CERS1: variants seen among roughly 807,000 people sequenced by gnomAD.
CERS1 encodes ceramide synthase 1, also known as Embryonic growth/differentiation factor 1.
CERS1 carries 16 observed loss-of-function variants against 35.7 expected under a neutral mutation model. The ratio of observed to expected loss-of-function variants is 0.45; its 90% CI spans 0.30 to 0.68. The LOEUF (loss-of-function observed/expected upper bound fraction) is 0.68. CERS1 is among the 30% of genes least tolerant of loss of function. The probability of loss-of-function intolerance (pLI) is 0.08; values close to 1 mark genes in which losing one functional copy is unlikely to be tolerated. For synonymous variants in CERS1, 243 were observed against 201.6 expected (o/e 1.21, Z -1.74); for missense variants, 454 against 453.9 (o/e 1.00, Z 0.00).
intron 2 of CERS1, among the ~76,000 whole-genome samples, chr19:18,888,521 A>T (rs1016793227): frequency 3.5e-5 from 2 of 56,458 alleles, no homozygotes; most frequent in East Asian, 7.6e-4. Flanking sequence ...CTGTCTCTTA[A>T]AAAAAAAAAA....
At chr19:18,877,055 G>T (rs113595040) in intron 6 of CERS1, among the ~76,000 whole-genome samples, 1 of 152,114 alleles carries the variant, frequency 6.6e-6, no homozygotes, top group African/African-American at 2.4e-5. Context: ...GACTGCCTTC[G>T]TCCCATCCTG....
rs958859804 is a variant in CERS1 at position 18,878,680 on chromosome 19, C to T, written c.1010+250G>A. ...TAGGCCTGGCCCTCAGTGTCCCTAC[C>T]GCTGAGACCCTGCCTGTCGCCCTGC... is the stretch of plus-strand genomic sequence containing the variant. On this transcript the variant is annotated intron_variant, in intron 6 of 7. Coordinates refer to ENST00000623882, the MANE Select transcript of CERS1 (RefSeq NM_021267.5). The surrounding 1 kb of genome is among the most constrained non-coding windows in gnomAD (Gnocchi z 4.6). 4.8e-5 allele frequency: 64 copies of T among 1,331,258 alleles called. No individual in the cohort carries two copies. The highest frequency in any genetic ancestry group is 5.5e-5 in the Non-Finnish European group (57 of 1,034,422). The allele number at this position is 1,331,258 out of a possible 1,614,324, so 82.5% of individuals were successfully genotyped here.
chr19:18,881,132 T>C (rs927456093), intron 3 of CERS1, among the ~76,000 whole-genome samples: 2 of 151,956 alleles, frequency 1.3e-5, no homozygotes, highest in African/African-American at 2.4e-5. Flanking sequence ...ACCACCACCA[T>C]GATGAGACTT....
Position 18,878,698 on chromosome 19 carries a change from C to T in CERS1, c.1010+232G>A, listed in dbSNP as rs1034624873. Reference sequence around the variant, plus strand: ...TCCCTACCGCTGAGACCCTGCCTGTCGCCCTGCCTGCCCCTCCCCAGCCTC... The same window carrying T: ...TCCCTACCGCTGAGACCCTGCCTGTTGCCCTGCCTGCCCCTCCCCAGCCTC... On this transcript the variant is annotated intron_variant, in intron 6 of 7. Coordinates refer to ENST00000623882, the MANE Select transcript of CERS1 (RefSeq NM_021267.5). This position sits in a 1 kb window ranked among gnomAD's most constrained non-coding sequence, Gnocchi z 4.6. 76 of 1,365,450 alleles carry T rather than the reference C, an allele frequency of 5.6e-5. No individual in the cohort carries two copies. Among genetic ancestry groups the T allele is most frequent in the Admixed American group, 2.2e-4 (7 of 32,492 alleles). The allele number at this position is 1,365,450 out of a possible 1,614,324, so 84.6% of individuals were successfully genotyped here.
At position 18,869,051 on chromosome 19, in the gene CERS1, C is replaced by T. The variant is rs948898162; in HGVS notation, c.*934G>A. 2 of 1,064,544 alleles carry T rather than the reference C, an allele frequency of 1.9e-6. No individual in the cohort carries two copies. The highest frequency in any genetic ancestry group is 2.3e-6 in the Non-Finnish European group (2 of 882,042). 65.9% of individuals were successfully genotyped at this position (1,064,544 alleles called of 1,614,324 possible). ...CAGGCGCGCGCAGGCGGCAGGGGCC[C>T]GGGGGCGTAGCGCCAGCGCCAGGCG... On this transcript the variant is annotated 3_prime_UTR_variant, in exon 8 of 8. Coordinates refer to ENST00000623882, the MANE Select transcript of CERS1 (RefSeq NM_021267.5).
At chr19:18,876,536 T>TTGTGTGTGTGTG (rs60266196) in intron 6 of CERS1, among the ~76,000 whole-genome samples, 431 of 143,272 alleles carry the variant, frequency 3.0e-3, no homozygotes, top group African/African-American at 0.01. Flanking sequence ...TTTGATTGGG[T>TTGTGTGTGTGTG]TGTGTGTGTG....
At position 18,868,798 on chromosome 19, in the gene CERS1, C is replaced by T. The variant is rs1249368692; in HGVS notation, c.*1187G>A. On this transcript the variant is annotated 3_prime_UTR_variant, in exon 8 of 8. Coordinates refer to ENST00000623882, the MANE Select transcript of CERS1 (RefSeq NM_021267.5). ...GCGCCGGCGGCCCCCCGGACCCCGACAGCGCGACGGGCAGCGCGCACTGAC... is the reference window on the plus strand; with the variant it reads ...GCGCCGGCGGCCCCCCGGACCCCGATAGCGCGACGGGCAGCGCGCACTGAC... 7.5e-6 allele frequency: 11 copies of T among 1,457,254 alleles called. No individual in the cohort carries two copies. Among genetic ancestry groups the T allele is most frequent in the Middle Eastern group, 4.1e-4 (2 of 4,820 alleles). 90.3% of individuals were successfully genotyped at this position (1,457,254 alleles called of 1,614,324 possible).
At position 18,868,871 on chromosome 19, in the gene CERS1, T is replaced by C; in HGVS notation, c.*1114A>G. 3 of 1,436,956 alleles carry C rather than the reference T, an allele frequency of 2.1e-6. No individual in the cohort carries two copies. The highest frequency in any genetic ancestry group is 2.4e-4 in the Middle Eastern group (1 of 4,252). 89.0% of individuals were successfully genotyped at this position (1,436,956 alleles called of 1,614,324 possible). A position where few individuals can be genotyped will look rare whatever the true frequency, so the allele number is the denominator to read the frequency against. On this transcript the variant is annotated 3_prime_UTR_variant, in exon 8 of 8. Transcript: ENST00000623882. ...GCCGCGCGGCGCGATGACCCAGCGG[T>C]GCCAGCCCACCTCGCGGAAGCTCAC... is the stretch of plus-strand genomic sequence containing the variant.
At chr19:18,873,709 T>C (rs755835136) in intron 6 of CERS1, among the ~76,000 whole-genome samples, 10 of 150,912 alleles carry the variant, frequency 6.6e-5, no homozygotes, top group Non-Finnish European at 1.3e-4. Flanking sequence ...AGGTGTGGTG[T>C]ACACGCCTGT....
intron 7 of CERS1, 75 bp from the exon 8 acceptor site, chr19:18,869,465 G>A: frequency 6.7e-7 from 1 of 1,489,234 alleles, no homozygotes; most frequent in Non-Finnish European, 8.9e-7. Context: ...TAGGGACAGG[G>A]AGGAAGGTGA....
rs760487667 is a variant in CERS1 at position 18,877,045 on chromosome 19, G to A, written c.1010+1885C>T. On this transcript the variant is annotated intron_variant, in intron 6 of 7. Coordinates refer to ENST00000623882, the MANE Select transcript of CERS1 (RefSeq NM_021267.5). The stretch of plus-strand genomic sequence containing the variant: ...TCTTTTGGAAGACGTCTCTCAGCCT[G>A]ACTGCCTTCGTCCCATCCTGTTTTA... Among the ~76,000 whole-genome samples the A allele has an allele frequency of 6.6e-5, 10 of 152,292 alleles. No homozygotes were observed. In the South Asian group the frequency reaches 1.4e-3, roughly 22 times the overall value.
intron 2 of CERS1, among the ~76,000 whole-genome samples, chr19:18,888,013 C>G (rs1227073972): frequency 1.3e-5 from 2 of 152,064 alleles, no homozygotes; most frequent in Non-Finnish European, 1.5e-5. Context: ...TAGTATTTGT[C>G]TTTTTGTGAT....
At chr19:18,877,334 A>G (rs2056076326) in intron 6 of CERS1, among the ~76,000 whole-genome samples, 1 of 152,184 alleles carries the variant, frequency 6.6e-6, no homozygotes, top group South Asian at 2.1e-4. Context: ...TGTCCCCACC[A>G]TGAGCTCACT....
intron 5 of CERS1, 59 bp downstream of exon 5, chr19:18,879,182 G>A (rs2056129300): frequency 1.2e-6 from 2 of 1,608,128 alleles, no homozygotes; most frequent in East Asian, 2.2e-5. Flanking sequence ...CTGAGGAGGG[G>A]ACAGGGATTG....
rs1337494185 is a variant in CERS1 at position 18,895,883 on chromosome 19, C to CCAG, written c.187_189dup (p.Leu63dup). 2 of 1,277,018 alleles carry CCAG rather than the reference C, an allele frequency of 1.6e-6. No homozygotes were observed. The highest frequency in any genetic ancestry group is 9.9e-7 in the Non-Finnish European group (1 of 1,012,056). The allele number at this position is 1,277,018 out of a possible 1,614,324, so 79.1% of individuals were successfully genotyped here. On this transcript the variant is annotated inframe_insertion, in exon 1 of 8. Transcript: ENST00000623882. The surrounding 1 kb of genome is among the most constrained non-coding windows in gnomAD (Gnocchi z 6.4). ...GCGGTCCAGCCCAGCGCGCCGAGCGCCAGCAGCAGCAGCTCGGGCGGCGCC... is the reference window on the plus strand; with the variant it reads ...GCGGTCCAGCCCAGCGCGCCGAGCGCCAGCAGCAGCAGCAGCTCGGGCGGCGCC...
Position 18,868,792 on chromosome 19 carries a change from C to T in CERS1, c.*1193G>A, listed in dbSNP as rs2145984807. On this transcript the variant is annotated 3_prime_UTR_variant, in exon 8 of 8. Transcript: ENST00000623882. ...GGTTGAGCGCCGGCGGCCCCCCGGA[C>T]CCCGACAGCGCGACGGGCAGCGCGC... The T allele has an allele frequency of 6.8e-7, 1 of 1,461,126 alleles. No homozygotes were observed. The allele number at this position is 1,461,126 out of a possible 1,614,324, so 90.5% of individuals were successfully genotyped here.
rs2056083101 is a variant in CERS1 at position 18,877,639 on chromosome 19, C to A, written c.1010+1291G>T. 2.0e-5 allele frequency among the ~76,000 whole-genome samples: 3 copies of A among 151,808 alleles called. No individual in the cohort carries two copies. The South Asian group carries it at 6.2e-4, about 32-fold the overall frequency. On this transcript the variant is annotated intron_variant, in intron 6 of 7. Transcript: ENST00000623882. ...TGGTGGTGCATGCCTGTGGGCCCAG[C>A]TACTTGGGAGGCTGAGGCAGGAGGA...
chr19:18,875,542 C>CAAA (rs886609723), intron 6 of CERS1, among the ~76,000 whole-genome samples: 1 of 97,372 alleles, frequency 1.0e-5, no homozygotes. Flanking sequence ...GACACTGTCT[C>CAAA]AAAAAAAAAA....
chr19:18,878,212 C>T lies in CERS1; in HGVS notation c.1010+718G>A, dbSNP rs2056099394. 1.0e-6 allele frequency: 1 copy of T among 985,632 alleles called. No individual in the cohort carries two copies. Among genetic ancestry groups the T allele is most frequent in the African/African-American group, 1.7e-5 (1 of 57,306 alleles). The allele number at this position is 985,632 out of a possible 1,614,324, so 61.1% of individuals were successfully genotyped here. ...CCTCCTGCCCCGGCTCCTGCTCAAACACTCCTCACGTTGCCTATGAGACAC... is the reference window on the plus strand; with the variant it reads ...CCTCCTGCCCCGGCTCCTGCTCAAATACTCCTCACGTTGCCTATGAGACAC... On this transcript the variant is annotated intron_variant, in intron 6 of 7. Transcript: ENST00000623882. The surrounding 1 kb of genome is among the most constrained non-coding windows in gnomAD (Gnocchi z 4.6).
Sources: allele counts gnomAD v4.1 joint callset (sites outside exome capture counted in the v4.1 genomes callset), GRCh38; gene constraint gnomAD v4.1.1; non-coding constraint Gnocchi (gnomAD v3.1); transcripts MANE v1.5; gene names NCBI Gene and HGNC (gene_info 2026-07-23, HGNC 2026-07-21).